ROBO1: variants seen among roughly 807,000 people sequenced by gnomAD.
ROBO1 encodes the protein roundabout homolog 1.
Under a neutral mutation model 195.9 loss-of-function variants are expected in ROBO1, and 149 were observed. The ratio of observed to expected loss-of-function variants is 0.76; its 90% confidence interval spans 0.67 to 0.87. The LOEUF (loss-of-function observed/expected upper bound fraction) is 0.87, where lower values mean the gene tolerates loss of function less well. Among genes scored for constraint, ROBO1 ranks in the 40% least tolerant of loss-of-function variants. The pLI is 0.00. For synonymous variants in ROBO1, 816 were observed against 733.2 expected (o/e 1.11, Z -1.82); for missense variants, 1,933 against 2,068.3 (o/e 0.93, Z 1.27).
At chr3:79,221,274 A>T (rs750161549) in intron 2 of ROBO1, among the ~76,000 whole-genome samples, 2 of 152,112 alleles carry the variant, frequency 1.3e-5, no homozygotes, top group Non-Finnish European at 2.9e-5. Flanking sequence ...ATTTTATATC[A>T]TCCCCATAAT....
At chr3:79,173,900 T>A (rs1164480251) in intron 2 of ROBO1, among the ~76,000 whole-genome samples, 4 of 152,156 alleles carry the variant, frequency 2.6e-5, no homozygotes, top group Non-Finnish European at 5.9e-5. Flanking sequence ...GCACCCTGTG[T>A]CTAGCTCAGG....
chr3:79,715,445 A>G (rs1410006677), intron 1 of ROBO1, among the ~76,000 whole-genome samples: 2 of 152,134 alleles, frequency 1.3e-5, no homozygotes, highest in African/African-American at 4.8e-5. Context: ...ACCAGCAAAA[A>G]TCACAAGACA....
chr3:79,172,350 C>T (rs1284687377), intron 2 of ROBO1, among the ~76,000 whole-genome samples: 3 of 152,142 alleles, frequency 2.0e-5, no homozygotes, highest in Non-Finnish European at 4.4e-5. Context: ...TTCCTTCTAT[C>T]TCTAAAAGTA....
intron 2 of ROBO1, among the ~76,000 whole-genome samples, chr3:79,248,701 G>C (rs2082669670): frequency 6.6e-6 from 1 of 152,172 alleles, no homozygotes; most frequent in Non-Finnish European, 1.5e-5. Context: ...GCAAAAAGAT[G>C]AGAGTGGTTT....
intron 2 of ROBO1, among the ~76,000 whole-genome samples, chr3:79,511,349 C>T (rs1940694413): frequency 6.6e-6 from 1 of 152,122 alleles, no homozygotes; most frequent in African/African-American, 2.4e-5. Flanking sequence ...ATAAGATACT[C>T]TACTCACTCA....
intron 1 of ROBO1, among the ~76,000 whole-genome samples, chr3:79,590,783 A>G (rs543007795): frequency 6.7e-6 from 1 of 148,706 alleles, no homozygotes; most frequent in Non-Finnish European, 1.5e-5. Context: ...ATTTCATGGT[A>G]TATTTATTTA....
chr3:78,982,687 G>A (rs970275493), intron 3 of ROBO1, among the ~76,000 whole-genome samples: 1 of 151,902 alleles, frequency 6.6e-6, no homozygotes, highest in Non-Finnish European at 1.5e-5. Context: ...GGAGTGTAGT[G>A]GCGTGATCTC....
chr3:79,297,820 C>T (rs2109048405), intron 2 of ROBO1, among the ~76,000 whole-genome samples: 1 of 152,126 alleles, frequency 6.6e-6, no homozygotes, highest in South Asian at 2.1e-4. Flanking sequence ...CTAGGATTTT[C>T]TTTTAATAAA....
At chr3:78,697,163 T>G (rs1278957845) in intron 8 of ROBO1, among the ~76,000 whole-genome samples, 1 of 151,804 alleles carries the variant, frequency 6.6e-6, no homozygotes, top group African/African-American at 2.4e-5. Context: ...AAATCTTCTA[T>G]GTACTAAGAA....
At chr3:79,260,787 A>G (rs1172924488) in intron 2 of ROBO1, among the ~76,000 whole-genome samples, 3 of 152,100 alleles carry the variant, frequency 2.0e-5, no homozygotes, top group Non-Finnish European at 4.4e-5. Context: ...AGCAATCACA[A>G]TTTTTTAAAA....
chr3:79,498,936 T>G (rs982318691), intron 2 of ROBO1, among the ~76,000 whole-genome samples: 2 of 152,216 alleles, frequency 1.3e-5, no homozygotes, highest in African/African-American at 2.4e-5. Context: ...ACTATATCCC[T>G]TGTTTACTCA....
At chr3:78,864,692 GTATGTATATATACATATATACACA>G (rs2107051737) in intron 4 of ROBO1, among the ~76,000 whole-genome samples, 1 of 151,452 alleles carries the variant, frequency 6.6e-6, no homozygotes, top group East Asian at 1.9e-4. Context: ...TGTAATGCAT[GTATGTATATATACATATATACACA>G]TGTGTGTATA....
chr3:79,024,498 G>T (rs1376862859), intron 3 of ROBO1, among the ~76,000 whole-genome samples: 2 of 152,148 alleles, frequency 1.3e-5, no homozygotes, highest in Non-Finnish European at 2.9e-5. Context: ...AAGTTGAGAG[G>T]CTCAGTAGCC....
chr3:79,543,593 CG>C (rs1942156588), intron 2 of ROBO1, among the ~76,000 whole-genome samples: 1 of 152,042 alleles, frequency 6.6e-6, no homozygotes, highest in Non-Finnish European at 1.5e-5. Flanking sequence ...AATTGATTTA[CG>C]ATTAATGCTG....
chr3:79,420,990 G>A (rs1038216942), intron 2 of ROBO1, among the ~76,000 whole-genome samples: 2 of 152,094 alleles, frequency 1.3e-5, no homozygotes, highest in Admixed American at 6.6e-5. Flanking sequence ...TCCATCATTG[G>A]TAGGCTGGAT....
intron 2 of ROBO1, among the ~76,000 whole-genome samples, chr3:79,437,237 G>A (rs1242880762): frequency 6.6e-6 from 1 of 151,966 alleles, no homozygotes; most frequent in Non-Finnish European, 1.5e-5. Flanking sequence ...GAAAGACTGA[G>A]ATAACTGGTA....
At chr3:78,614,078 T>A (rs559365265) in intron 28 of ROBO1, among the ~76,000 whole-genome samples, 1 of 152,292 alleles carries the variant, frequency 6.6e-6, no homozygotes, top group Admixed American at 6.5e-5. Flanking sequence ...CTAGACAAAA[T>A]CACACTGTTT....
intron 4 of ROBO1, among the ~76,000 whole-genome samples, chr3:78,770,993 G>A (rs1338324001): frequency 2.6e-5 from 4 of 152,042 alleles, no homozygotes; most frequent in Non-Finnish European, 5.9e-5. Context: ...CTTGAACACA[G>A]CTGGTTGAGG....
At chr3:78,932,541 G>A (rs1213139721) in intron 4 of ROBO1, among the ~76,000 whole-genome samples, 1 of 152,120 alleles carries the variant, frequency 6.6e-6, no homozygotes, top group Non-Finnish European at 1.5e-5. Context: ...CAGCTGTTTT[G>A]TAGCATCCAA....
Sources: gnomAD v4.1 joint callset for allele counts (sites outside exome capture counted in the v4.1 genomes callset) on GRCh38, gnomAD v4.1.1 for gene constraint, MANE v1.5 for transcripts, NCBI Gene and HGNC (gene_info 2026-07-23, HGNC 2026-07-21) for gene names.